F10: variants seen among roughly 807,000 people sequenced by gnomAD.
F10 encodes the protein coagulation factor X.
In F10, 29 loss-of-function variants were observed where a neutral mutation model predicts 37.1. The ratio of observed to expected loss-of-function variants is 0.78; its 90% CI spans 0.58 to 1.07. The LOEUF (loss-of-function observed/expected upper bound fraction) is 1.07, where lower values mean the gene tolerates loss of function less well. Ranked by LOEUF, F10 falls within the 50% of genes least tolerant of loss-of-function variation. F10 has a pLI of 0.00. For missense variants in F10, 539 were observed against 667.9 expected, an observed-to-expected ratio of 0.81 and a Z score of 2.13; for synonymous variants, 262 against 268.6, an observed-to-expected ratio of 0.98 and a Z score of 0.24.
At chr13:113,137,460 G>C (rs999074772) in intron 2 of F10, among the ~76,000 whole-genome samples, 1 of 152,150 alleles carries the variant, frequency 6.6e-6, no homozygotes, top group Admixed American at 6.5e-5. Flanking sequence ...ATTCATAGAA[G>C]TGTACACCAA....
chr13:113,148,380 A>G (rs112177034), intron 7 of F10, among the ~76,000 whole-genome samples: 22 of 41,738 alleles, frequency 5.3e-4, no homozygotes, highest in East Asian at 1.5e-3. Context: ...ATATATGTGT[A>G]TATATATATA....
At chr13:113,129,397 G>GGGACCCTGGGTGAAGA (rs1555395070) in intron 1 of F10, 55 bp from the exon 2 acceptor site, 168 of 1,605,490 alleles carry the variant, frequency 1.0e-4, no homozygotes, top group Non-Finnish European at 1.4e-4. Flanking sequence ...ATAGGTGAGG[G>GGGACCCTGGGTGAAGA]GGAGCCTGGG....
intron 7 of F10, among the ~76,000 whole-genome samples, chr13:113,148,388 A>ATGTG (rs2036604964): frequency 1.1e-4 from 2 of 18,772 alleles, no homozygotes; most frequent in South Asian, 0.011. Context: ...GTATATATAT[A>ATGTG]TACATATATA....
Position 113,143,685 on chromosome 13 carries a change from G to C in F10, c.503-166G>C, listed in dbSNP as rs559477165. Among the ~76,000 whole-genome samples the C allele has an allele frequency of 6.6e-6, 1 of 152,196 alleles. No individual in the cohort carries two copies. The highest frequency in any genetic ancestry group is 2.1e-4 in the South Asian group (1 of 4,822). On this transcript the variant is annotated intron_variant, in intron 5 of 7. Coordinates refer to ENST00000375559, the MANE Select transcript of F10 (RefSeq NM_000504.4). This position sits in a 1 kb window ranked among gnomAD's most constrained non-coding sequence, Gnocchi z 6.8. ...GACAGCTGCGCTCACCTGCAGATCC[G>C]ACCCCTGCCGACGACGTGGGGCCTC... is the stretch of plus-strand genomic sequence containing the variant.
At chr13:113,147,712 A>G (rs1049370373) in intron 7 of F10, among the ~76,000 whole-genome samples, 2 of 152,120 alleles carry the variant, frequency 1.3e-5, no homozygotes, top group African/African-American at 2.4e-5. Flanking sequence ...GAACCAGCCC[A>G]GCCCTTCTCC....
rs187922078 is a variant in F10, at chr13:113,144,534, C to T, written c.747+439C>T. Among the ~76,000 whole-genome samples, 25 of 152,350 alleles carry T rather than the reference C, an allele frequency of 1.6e-4. No individual in the cohort carries two copies. The East Asian group carries it at 4.2e-3, about 26-fold the overall frequency. ...GCATCAGCGGGCAGGAGGACGGTGCCGGGTGGGCAAGGCCTCCATCTGCTC... is the reference window on the plus strand; with the variant it reads ...GCATCAGCGGGCAGGAGGACGGTGCTGGGTGGGCAAGGCCTCCATCTGCTC... On this transcript the variant is annotated intron_variant, in intron 6 of 7. Coordinates refer to ENST00000375559, the MANE Select transcript of F10 (RefSeq NM_000504.4). The surrounding 1 kb of genome is among the most constrained non-coding windows in gnomAD (Gnocchi z 6.4).
chr13:113,126,468 C>T (rs984534336), intron 1 of F10, among the ~76,000 whole-genome samples: 1 of 152,196 alleles, frequency 6.6e-6, no homozygotes, highest in Non-Finnish European at 1.5e-5. Context: ...TATCACAGAA[C>T]AGCGAGTTCC....
chr13:113,131,343 A>G (rs1469262222), intron 2 of F10: 2 of 152,246 alleles, frequency 1.3e-5, no homozygotes, highest in African/African-American at 4.8e-5. Context: ...GCAGACTGTC[A>G]TGATCTCATT....
At chr13:113,125,198 T>G (rs985146379) in intron 1 of F10, among the ~76,000 whole-genome samples, 3 of 152,238 alleles carry the variant, frequency 2.0e-5, no homozygotes, top group Admixed American at 1.3e-4. Context: ...ATCCAACTTT[T>G]TATTTTAATA....
At chr13:113,133,957 G>A (rs923174462) in intron 2 of F10, among the ~76,000 whole-genome samples, 9 of 151,982 alleles carry the variant, frequency 5.9e-5, no homozygotes, top group African/African-American at 2.2e-4. Context: ...AACAAATCTG[G>A]CAAAATTTAA....
chr13:113,138,166 A>C (rs543336105), intron 2 of F10, among the ~76,000 whole-genome samples: 1 of 152,386 alleles, frequency 6.6e-6, no homozygotes, highest in African/African-American at 2.4e-5. Flanking sequence ...AGTAGCAAAC[A>C]GAGCAAGCCA....
chr13:113,127,254 T>C (rs1299551115), intron 1 of F10, among the ~76,000 whole-genome samples: 2 of 152,248 alleles, frequency 1.3e-5, no homozygotes, highest in African/African-American at 4.8e-5. Context: ...TGCTTGATTC[T>C]GCAGTCTTGT....
intron 1 of F10, chr13:113,128,892 A>G (rs2036397050): frequency 2.0e-5 from 3 of 152,144 alleles, no homozygotes; most frequent in South Asian, 2.0e-4. Flanking sequence ...AAGAGAAAAA[A>G]AAAAAAAAAA....
Position 113,139,361 on chromosome 13 carries a change from C to T in F10, c.261C>T (p.Gly87=), listed in dbSNP as rs763365831. 25 of 1,613,440 alleles carry T rather than the reference C, an allele frequency of 1.5e-5. No individual in the cohort carries two copies. The highest frequency in any genetic ancestry group is 2.2e-5 in the South Asian group (2 of 91,066). The change falls in exon 4 of 8, where the codon GGC becomes GGT. Residue 87 remains glycine (G), a synonymous_variant. Coordinates refer to ENST00000375559, the MANE Select transcript of F10 (RefSeq NM_000504.4). This position sits in a 1 kb window ranked among gnomAD's most constrained non-coding sequence, Gnocchi z 5.2. ...TNEFWNKYKD[G]DQCETSPCQN... is the part of the protein sequence containing the mutation. ...TTCGAAATCCTCTCTTTGCAGATGGCGACCAGTGTGAGACCAGTCCTTGCC... is the reference window on the plus strand; with the variant it reads ...TTCGAAATCCTCTCTTTGCAGATGGTGACCAGTGTGAGACCAGTCCTTGCC...
chr13:113,125,968 T>G, intron 1 of F10, among the ~76,000 whole-genome samples: 1 of 149,614 alleles, frequency 6.7e-6, no homozygotes. Context: ...TCAGGGAGGG[T>G]GTCTCGGAGG....
At chr13:113,123,984 G>A (rs926711341) in intron 1 of F10, among the ~76,000 whole-genome samples, 4 of 152,228 alleles carry the variant, frequency 2.6e-5, no homozygotes, top group African/African-American at 9.6e-5. Context: ...TGATGCTTGT[G>A]GTGGGATGAG....
In F10 at chr13:113,147,368, G is replaced by T; in HGVS notation, c.748-11G>T. 6.4e-7 allele frequency: 1 copy of T among 1,573,654 alleles called. No individual in the cohort carries two copies. The highest frequency in any genetic ancestry group is 8.8e-7 in the Non-Finnish European group (1 of 1,142,680). ...TGGCCAGCCACACTGAGCCTGTCACGTCTGTCACAGGCCCTGCTCATCAAT... is the reference window on the plus strand; with the variant it reads ...TGGCCAGCCACACTGAGCCTGTCACTTCTGTCACAGGCCCTGCTCATCAAT... On this transcript the variant is annotated splice_polypyrimidine_tract_variant and intron_variant, in intron 6 of 7. Coordinates refer to ENST00000375559, the MANE Select transcript of F10 (RefSeq NM_000504.4).
chr13:113,144,304 G>A lies in F10; in HGVS notation c.747+209G>A. ...TGAGCTCCACAGGGAAGTGGCCGGG[G>A]CTGAGGGAGAGGCTGGGCCCAGGCA... On this transcript the variant is annotated intron_variant, in intron 6 of 7. Transcript: ENST00000375559. This position sits in a 1 kb window ranked among gnomAD's most constrained non-coding sequence, Gnocchi z 6.4. 1 of 714,444 alleles carries A rather than the reference G, an allele frequency of 1.4e-6. No homozygotes were observed. The highest frequency in any genetic ancestry group is 2.3e-6 in the Non-Finnish European group (1 of 434,756). The allele number at this position is 714,444 out of a possible 1,614,324, so 44.3% of individuals were successfully genotyped here. A position where few individuals can be genotyped will look rare whatever the true frequency, so the allele number is the denominator to read the frequency against.
intron 4 of F10, chr13:113,140,415 A>G: frequency 2.3e-6 from 1 of 428,036 alleles, no homozygotes; most frequent in Non-Finnish European, 4.8e-6. Context: ...CTTAGATTGG[A>G]TTACTTTTGA....
Sources: gnomAD v4.1 joint callset for allele counts (sites outside exome capture counted in the v4.1 genomes callset) on GRCh38, gnomAD v4.1.1 for gene constraint, Gnocchi (gnomAD v3.1) non-coding constraint, MANE v1.5 for transcripts, NCBI Gene and HGNC (gene_info 2026-07-23, HGNC 2026-07-21) for gene names.